The following RANBP2 variants were observed in gnomAD, a reference collection of about 807,000 sequenced individuals.
The protein encoded by RANBP2 is E3 SUMO-protein ligase RanBP2.
RANBP2 carries 57 observed loss-of-function variants against 303.6 expected under a neutral mutation model. That is an observed-to-expected ratio of 0.19 (90% CI 0.15 to 0.23). RANBP2 has a LOEUF of 0.23. Among genes scored for constraint, RANBP2 ranks in the 10% least tolerant of loss-of-function variants. RANBP2 has a pLI of 1.00. For missense variants in RANBP2, 3,138 were observed against 3,780.8 expected, an observed-to-expected ratio of 0.83 and a Z score of 4.46; for synonymous variants, 1,167 against 1,301.5, an observed-to-expected ratio of 0.90 and a Z score of 2.23.
the RANBP2 span, among the ~76,000 whole-genome samples, chr2:109,323,985 C>T: frequency 6.6e-6 from 1 of 152,284 alleles, no homozygotes; most frequent in Non-Finnish European, 1.5e-5. Flanking sequence ...TTCCCCCAGC[C>T]CCTGGAAAAC....
chr2:109,445,448 ATTAC>A, the RANBP2 span, among the ~76,000 whole-genome samples: 1 of 152,258 alleles, frequency 6.6e-6, no homozygotes, highest in East Asian at 1.9e-4. Flanking sequence ...GCAGATACAG[ATTAC>A]TTACATAGAA....
chr2:109,555,011 C>T, the RANBP2 span, among the ~76,000 whole-genome samples: 2 of 152,126 alleles, frequency 1.3e-5, no homozygotes, highest in African/African-American at 4.8e-5. Flanking sequence ...TCTACAGATA[C>T]CAGATTACAG....
the RANBP2 span, among the ~76,000 whole-genome samples, chr2:109,539,294 T>C: frequency 6.6e-5 from 10 of 151,874 alleles, no homozygotes; most frequent in African/African-American, 2.4e-4. Flanking sequence ...CAAGACTCTG[T>C]CTCAAAAAGA....
the RANBP2 span, among the ~76,000 whole-genome samples, chr2:109,629,203 A>AACAT: frequency 8.4e-6 from 1 of 118,394 alleles, no homozygotes; most frequent in East Asian, 2.6e-4. Context: ...CTCCGTCTCA[A>AACAT]AAATAAATAA....
At chr2:109,436,591 TTTG>T in the RANBP2 span, among the ~76,000 whole-genome samples, 1 of 152,258 alleles carries the variant, frequency 6.6e-6, no homozygotes, top group Non-Finnish European at 1.5e-5. Flanking sequence ...CACACAGCTG[TTTG>T]TAAGAACAAA....
chr2:108,849,560 T>A, the RANBP2 span, among the ~76,000 whole-genome samples: 1 of 152,044 alleles, frequency 6.6e-6, no homozygotes, highest in African/African-American at 2.4e-5. Flanking sequence ...CTGCCTTCAC[T>A]CTCTAGTCTC....
At chr2:109,547,147 T>C in the RANBP2 span, among the ~76,000 whole-genome samples, 1 of 152,208 alleles carries the variant, frequency 6.6e-6, no homozygotes, top group African/African-American at 2.4e-5. Flanking sequence ...AGCTCTACAT[T>C]AACTAGCTTT....
chr2:109,248,243 A>G, the RANBP2 span, among the ~76,000 whole-genome samples: 1 of 152,228 alleles, frequency 6.6e-6, no homozygotes, highest in African/African-American at 2.4e-5. Context: ...TACTTTTAAT[A>G]AACAAGGTCA....
At chr2:109,217,672 C>T in the RANBP2 span, among the ~76,000 whole-genome samples, 7 of 152,342 alleles carry the variant, frequency 4.6e-5, no homozygotes, top group South Asian at 4.1e-4. Context: ...GCTCTCTCAC[C>T]GGCTAGAAGA....
chr2:108,768,906 G>T (rs545167389), intron 20 of RANBP2, among the ~76,000 whole-genome samples: 1 of 152,074 alleles, frequency 6.6e-6, no homozygotes, highest in Admixed American at 6.5e-5. Flanking sequence ...CGTGGTGCGT[G>T]CCTATAATTA....
At chr2:109,335,919 C>G in the RANBP2 span, among the ~76,000 whole-genome samples, 1 of 152,128 alleles carries the variant, frequency 6.6e-6, no homozygotes, top group East Asian at 1.9e-4. Flanking sequence ...TGAAGCAGCT[C>G]AACAAAAAAA....
the RANBP2 span, among the ~76,000 whole-genome samples, chr2:109,203,894 CCCTTGATGGCAGG>C: frequency 6.6e-6 from 1 of 152,220 alleles, no homozygotes; most frequent in African/African-American, 2.4e-5. Flanking sequence ...GGCCTGGCAG[CCCTTGATGGCAGG>C]GCTGATGTGT....
chr2:109,222,490 C>G, the RANBP2 span, among the ~76,000 whole-genome samples: 1 of 143,228 alleles, frequency 7.0e-6, no homozygotes, highest in African/African-American at 2.9e-5. Context: ...AAAGTTCCTC[C>G]AAAAAAATAA....
chr2:108,809,427 C>T, the RANBP2 span, among the ~76,000 whole-genome samples: 1 of 147,714 alleles, frequency 6.8e-6, no homozygotes, highest in Admixed American at 6.8e-5. Flanking sequence ...ATTAATTGTT[C>T]CAGTCCATGA....
the RANBP2 span, among the ~76,000 whole-genome samples, chr2:109,299,049 C>T: frequency 6.6e-6 from 1 of 152,214 alleles, no homozygotes; most frequent in African/African-American, 2.4e-5. Flanking sequence ...GGGTCACCTG[C>T]TTCAGCCACA....
chr2:109,742,968 C>T, the RANBP2 span, among the ~76,000 whole-genome samples: 2 of 148,346 alleles, frequency 1.3e-5, no homozygotes, highest in East Asian at 3.9e-4. Flanking sequence ...AATGATTGGA[C>T]ATCTACATTA....
Position 108,765,969 on chromosome 2 carries a change from T to G in RANBP2, c.5430T>G (p.Thr1810=). The change falls in exon 20 of 29, where the codon ACT becomes ACG. Residue 1810 remains threonine (T), a synonymous_variant. Transcript: ENST00000283195. ...KCVACDASKP[T]HKPIAEAPSA... is the part of the protein sequence containing the mutation. ...TGGCTTGTGATGCCTCTAAACCAAC[T>G]CATAAACCTATTGCAGAAGCTCCTT... 1.2e-6 allele frequency: 2 copies of G among 1,614,124 alleles called. No individual in the cohort carries two copies. The highest frequency in any genetic ancestry group is 1.7e-6 in the Non-Finnish European group (2 of 1,179,986).
the RANBP2 span, among the ~76,000 whole-genome samples, chr2:109,329,488 C>T: frequency 6.6e-6 from 1 of 152,210 alleles, no homozygotes; most frequent in East Asian, 1.9e-4. Flanking sequence ...CGGTGTCTTT[C>T]CCTCTGTGCT....
the RANBP2 span, among the ~76,000 whole-genome samples, chr2:109,629,302 G>GATAT: frequency 6.1e-4 from 47 of 77,624 alleles, no homozygotes; most frequent in Admixed American, 1.5e-3. Context: ...CTGGCCTAAA[G>GATAT]ATATATATAT....
Sources: allele counts gnomAD v4.1 joint callset (sites outside exome capture counted in the v4.1 genomes callset), GRCh38; gene constraint gnomAD v4.1.1; transcripts MANE v1.5; gene names NCBI Gene and HGNC (gene_info 2026-07-23, HGNC 2026-07-21).